The following FBLIM1 variants were observed in gnomAD, a reference collection of about 807,000 sequenced individuals.
FBLIM1 encodes the protein filamin binding LIM protein 1, also known as filamin-binding LIM protein 1.
In FBLIM1, 29 loss-of-function variants were observed where a neutral mutation model predicts 37.4. The ratio of observed to expected loss-of-function variants is 0.77; its 90% confidence interval spans 0.58 to 1.06. The LOEUF (loss-of-function observed/expected upper bound fraction) is 1.06, where lower values mean the gene tolerates loss of function less well. Among genes scored for constraint, FBLIM1 ranks in the 50% least tolerant of loss-of-function variants. The pLI is 0.00. For missense variants in FBLIM1, 449 were observed against 505.6 expected, an observed-to-expected ratio of 0.89 and a Z score of 1.07; for synonymous variants, 193 against 199.0, an observed-to-expected ratio of 0.97 and a Z score of 0.25.
intron 7 of FBLIM1, chr1:15,775,015 G>A (rs532458625): frequency 3.5e-5 from 31 of 898,146 alleles, no homozygotes; most frequent in African/African-American, 5.1e-5. Context: ...TCAGGAGATC[G>A]AGATCATCCT....
At chr1:15,782,285 GT>G in intron 8 of FBLIM1, among the ~76,000 whole-genome samples, 1 of 151,962 alleles carries the variant, frequency 6.6e-6, no homozygotes, top group East Asian at 2.0e-4. Flanking sequence ...GTACCTGTCT[GT>G]AGTTCCAGCT....
chr1:15,769,156 C>A (rs530068291), intron 5 of FBLIM1, among the ~76,000 whole-genome samples: 33 of 152,338 alleles, frequency 2.2e-4, no homozygotes, highest in African/African-American at 7.7e-4. Flanking sequence ...CTTCGTACAT[C>A]TCAGAGCTGG....
intron 3 of FBLIM1, among the ~76,000 whole-genome samples, chr1:15,766,898 T>TG (rs1204619476): frequency 6.6e-6 from 1 of 150,748 alleles, no homozygotes; most frequent in Admixed American, 6.6e-5. Context: ...CGGCTTTTTT[T>TG]TTTTTTTTTG....
chr1:15,780,200 T>C (rs938053907), intron 8 of FBLIM1, among the ~76,000 whole-genome samples: 1 of 151,814 alleles, frequency 6.6e-6, no homozygotes, highest in Non-Finnish European at 1.5e-5. Flanking sequence ...CTGAAATTCT[T>C]AAATTTTTTT....
chr1:15,779,999 C>T (rs564894251), intron 8 of FBLIM1, among the ~76,000 whole-genome samples: 1 of 152,216 alleles, frequency 6.6e-6, no homozygotes, highest in East Asian at 1.9e-4. Flanking sequence ...CTCACCTTAG[C>T]ATCCTGAGTA....
intron 6 of FBLIM1, among the ~76,000 whole-genome samples, chr1:15,770,943 T>G (rs940727119): frequency 6.6e-6 from 1 of 151,958 alleles, no homozygotes; most frequent in African/African-American, 2.4e-5. Context: ...TTCTTCTTCT[T>G]TTTTTTTGCG....
At chr1:15,775,534 CAAAAA>C (rs1161761535) in intron 7 of FBLIM1, among the ~76,000 whole-genome samples, 1 of 84,340 alleles carries the variant, frequency 1.2e-5, no homozygotes, top group African/African-American at 4.1e-5. Flanking sequence ...GACTCTGTCT[CAAAAA>C]AAAAAAAAAA....
rs527552636 is a variant in FBLIM1, at chr1:15,786,433, C to T, written c.*1772C>T. On this transcript the variant is annotated 3_prime_UTR_variant, in exon 9 of 9. Transcript: ENST00000375766. ...CACAATTGTTATAACCAAAGGCCTC[C>T]TGTTCTGTTATTTCACTTAAATCAA... 1.3e-5 allele frequency: 2 copies of T among 152,362 alleles called. No individual in the cohort carries two copies. The highest frequency in any genetic ancestry group is 2.9e-5 in the Non-Finnish European group (2 of 68,050). 9.4% of individuals were successfully genotyped at this position (152,362 alleles called of 1,614,324 possible).
intron 3 of FBLIM1, 74 bp from the exon 4 acceptor site, chr1:15,767,302 C>T (rs1270453559): frequency 9.4e-6 from 13 of 1,384,258 alleles, no homozygotes; most frequent in Non-Finnish European, 1.3e-5. Context: ...CTCTGTATGG[C>T]CATGTAGGTA....
At chr1:15,763,028 G>A (rs953275361) in intron 1 of FBLIM1, among the ~76,000 whole-genome samples, 2 of 151,992 alleles carry the variant, frequency 1.3e-5, no homozygotes, top group Non-Finnish European at 1.5e-5. Flanking sequence ...TGAGGCTGCC[G>A]CAGTTGGACT....
intron 3 of FBLIM1, among the ~76,000 whole-genome samples, chr1:15,766,704 C>G (rs866350774): frequency 5.9e-5 from 9 of 151,688 alleles, no homozygotes; most frequent in South Asian, 2.1e-4. Flanking sequence ...AAGTGAATAT[C>G]CTGCCTCAGC....
chr1:15,765,445 T>C lies in FBLIM1; in HGVS notation c.250+212T>C, dbSNP rs1407558025. Among the ~76,000 whole-genome samples, 12 of 152,190 alleles carry C rather than the reference T, an allele frequency of 7.9e-5. No homozygotes were observed. Among genetic ancestry groups the C allele is most frequent in the African/African-American group, 2.2e-4 (9 of 41,534 alleles). ...ATTTCCGGGACATTTTCATGGGTTA[T>C]TGGGATTATGGGAAGAGGATCTTGG... On this transcript the variant is annotated intron_variant, in intron 3 of 8. Coordinates refer to ENST00000375766, the MANE Select transcript of FBLIM1 (RefSeq NM_017556.4). This position sits in a 1 kb window ranked among gnomAD's most constrained non-coding sequence, Gnocchi z 5.9.
At chr1:15,762,019 G>A (rs1275782835) in intron 1 of FBLIM1, among the ~76,000 whole-genome samples, 1 of 152,112 alleles carries the variant, frequency 6.6e-6, no homozygotes, top group Admixed American at 6.6e-5. Context: ...AACTACCTGA[G>A]AGATGGGAAA....
Position 15,765,239 on chromosome 1 carries a change from A to G in FBLIM1, c.250+6A>G. The stretch of plus-strand genomic sequence containing the variant: ...TATGCAGCTCTTCAATGGAGGTAAG[A>G]GCTGAGGGGACTTTGGGGAAGACCA... On this transcript the variant is annotated splice_donor_region_variant and intron_variant, in intron 3 of 8. Coordinates refer to ENST00000375766, the MANE Select transcript of FBLIM1 (RefSeq NM_017556.4). The surrounding 1 kb of genome is among the most constrained non-coding windows in gnomAD (Gnocchi z 5.9). The G allele has an allele frequency of 6.3e-7, 1 of 1,599,996 alleles. No homozygotes were observed. Among genetic ancestry groups the G allele is most frequent in the Non-Finnish European group, 8.5e-7 (1 of 1,170,206 alleles).
chr1:15,763,091 A>G (rs2068752122), intron 1 of FBLIM1, among the ~76,000 whole-genome samples: 2 of 150,460 alleles, frequency 1.3e-5, no homozygotes, highest in South Asian at 4.2e-4. Context: ...TTTTTTAGAC[A>G]GAGTTTCGCT....
chr1:15,768,841 C>T (rs946611246), intron 5 of FBLIM1, among the ~76,000 whole-genome samples: 13 of 152,180 alleles, frequency 8.5e-5, no homozygotes, highest in African/African-American at 2.7e-4. Context: ...TGTTAGTCTG[C>T]AGTTTGCTAT....
At chr1:15,780,213 T>G (rs2069601129) in intron 8 of FBLIM1, among the ~76,000 whole-genome samples, 1 of 151,910 alleles carries the variant, frequency 6.6e-6, no homozygotes, top group African/African-American at 2.4e-5. Context: ...ATTTTTTTTT[T>G]GTAGAGACTG....
At position 15,777,249 on chromosome 1, in the gene FBLIM1, A is replaced by G. The variant is rs2069520567; in HGVS notation, c.970A>G (p.Met324Val). 3.7e-6 allele frequency: 6 copies of G among 1,613,556 alleles called. No individual in the cohort carries two copies. The highest frequency in any genetic ancestry group is 5.1e-6 in the Non-Finnish European group (6 of 1,179,514). ...DGKDAFKIEC[M>V]GRNFHENCYR... ...GAAAGATGCCTTCAAAATCGAATGC[A>G]TGGGAAGAAACTTCCATGAAAATTG... The change falls in exon 8 of 9, where the codon ATG (methionine) becomes GTG (valine). Residue 324 changes from methionine (M) to valine (V), a missense_variant. By Grantham distance (21) the Met-to-Val change is conservative. Coordinates refer to ENST00000375766, the MANE Select transcript of FBLIM1 (RefSeq NM_017556.4).
Position 15,774,746 on chromosome 1 carries a change from C to T in FBLIM1, c.840C>T (p.Ser280=), listed in dbSNP as rs760851690. Residue 280 remains serine, a synonymous_variant, in exon 7 of 9, where the codon AGC becomes AGT. Transcript: ENST00000375766. ...GCGCCCGGTGCATTGGGGATGAGAG[C>T]TTTGCCCTGGGCAGCCAGAACGAGG... ...VTCARCIGDE[S]FALGSQNEVY... 26 of 1,614,008 alleles carry T rather than the reference C, an allele frequency of 1.6e-5. No individual in the cohort carries two copies. The Admixed American group carries it at 2.5e-4, about 16-fold the overall frequency.
Sources: allele counts gnomAD v4.1 joint callset (sites outside exome capture counted in the v4.1 genomes callset), GRCh38; gene constraint gnomAD v4.1.1; non-coding constraint Gnocchi (gnomAD v3.1); transcripts MANE v1.5; gene names NCBI Gene and HGNC (gene_info 2026-07-23, HGNC 2026-07-21).